Variants in EMC1 observed in about 807,000 individuals in gnomAD.
EMC1 encodes ER membrane protein complex subunit 1.
Under a neutral mutation model 128.8 loss-of-function variants are expected in EMC1, and 103 were observed. The observed-to-expected ratio is 0.80, with a 90% CI of 0.68 to 0.94. The LOEUF (loss-of-function observed/expected upper bound fraction) is 0.94. Ranked by LOEUF, EMC1 falls within the 40% of genes least tolerant of loss-of-function variation. EMC1 has a pLI of 0.00. For missense variants in EMC1, 1,083 were observed against 1,250.6 expected (o/e 0.87, Z 2.02); for synonymous variants, 442 against 490.4 (o/e 0.90, Z 1.30).
intron 10 of EMC1, 38 bp from the exon 11 acceptor site, chr1:19,238,177 C>T (rs764581175): frequency 2.5e-6 from 4 of 1,604,572 alleles, no homozygotes; most frequent in Non-Finnish European, 3.4e-6. Flanking sequence ...TACAGGTATC[C>T]CCCGAAAGCA....
rs531411785 is a variant in EMC1, at chr1:19,240,069, T to C, written c.787-84A>G. 6 of 1,419,758 alleles carry C rather than the reference T, an allele frequency of 4.2e-6. No individual in the cohort carries two copies. In the Admixed American group the frequency reaches 1.2e-4, roughly 28 times the overall value. 87.9% of individuals were successfully genotyped at this position (1,419,758 alleles called of 1,614,324 possible). ...CAGGCTCACAACCTCTGCCCTACTT[T>C]GCCGGGGGAAGTAACTGGGCCATGG... On this transcript the variant is annotated intron_variant, in intron 7 of 22. Coordinates refer to ENST00000477853, the MANE Select transcript of EMC1 (RefSeq NM_015047.3).
intron 8 of EMC1, 134 bp from the exon 9 acceptor site, chr1:19,239,436 G>A (rs2093590025): frequency 1.4e-6 from 1 of 730,482 alleles, no homozygotes; most frequent in Admixed American, 2.6e-5. Context: ...AGAATGGTCA[G>A]GCATTTAAGA....
Position 19,222,709 on chromosome 1 carries a change from G to T in EMC1, c.2502C>A (p.Leu834=). 6.2e-7 allele frequency: 1 copy of T among 1,614,186 alleles called. No homozygotes were observed. Among genetic ancestry groups the T allele is most frequent in the Non-Finnish European group, 8.5e-7 (1 of 1,180,024 alleles). The change falls in exon 20 of 23, where the codon CTC becomes CTA. Residue 834 remains leucine, a synonymous_variant. Transcript: ENST00000477853. ...AGGACGGGAAGATATAGGACTGCTG[G>T]AGGACCTGGGGCAGCTGGGGGCGGT... The part of the protein sequence containing the change: ...SLDRPQLPQV[L]QQSYIFPSSI...
intron 17 of EMC1, 47 bp from the exon 18 acceptor site, chr1:19,227,497 A>G (rs1376025041): frequency 6.2e-7 from 1 of 1,610,644 alleles, no homozygotes; most frequent in Non-Finnish European, 8.5e-7. Flanking sequence ...TACACTTAGA[A>G]CTGAAACAGC....
rs2093441358 is a variant in EMC1, at chr1:19,222,702, A to ACTG, written c.2506_2508dup (p.Gln836dup). Reference sequence around the variant, plus strand: ...CTGATGGAGGACGGGAAGATATAGGACTGCTGGAGGACCTGGGGCAGCTGG... The same window carrying ACTG: ...CTGATGGAGGACGGGAAGATATAGGACTGCTGCTGGAGGACCTGGGGCAGCTGG... On this transcript the variant is annotated inframe_insertion, in exon 20 of 23. Coordinates refer to ENST00000477853, the MANE Select transcript of EMC1 (RefSeq NM_015047.3). 1 of 1,613,988 alleles carries ACTG rather than the reference A, an allele frequency of 6.2e-7. No individual in the cohort carries two copies. Among genetic ancestry groups the ACTG allele is most frequent in the Admixed American group, 1.7e-5 (1 of 59,998 alleles).
At position 19,240,308 on chromosome 1, in the gene EMC1, T is replaced by C; in HGVS notation, c.775A>G (p.Ile259Val). ...ALETEWELRQ[I>V]PLQSLDLEFG... ...TGGCAGCCTCTCACCTGCAGTGGGATCTGTCTCAACTCCCATTCCGTCTCC... is the reference window on the plus strand; with the variant it reads ...TGGCAGCCTCTCACCTGCAGTGGGACCTGTCTCAACTCCCATTCCGTCTCC... The change falls in exon 7 of 23, where the codon ATC (isoleucine) becomes GTC (valine). Residue 259 changes from isoleucine (I) to valine (V), a missense_variant. Physicochemically the swap from Ile to Val is conservative, Grantham distance 29. Transcript: ENST00000477853. 6.2e-7 allele frequency: 1 copy of C among 1,614,176 alleles called. No homozygotes were observed. The highest frequency in any genetic ancestry group is 8.5e-7 in the Non-Finnish European group (1 of 1,180,022).
In EMC1 at chr1:19,237,492, A is replaced by G. The variant is rs1302310106; in HGVS notation, c.1213-254T>C. 2.6e-5 allele frequency among the ~76,000 whole-genome samples: 4 copies of G among 152,178 alleles called. No individual in the cohort carries two copies. In the East Asian group the frequency reaches 7.7e-4, roughly 29 times the overall value. On this transcript the variant is annotated intron_variant, in intron 11 of 22. Coordinates refer to ENST00000477853, the MANE Select transcript of EMC1 (RefSeq NM_015047.3). ...TCCACGGGTACCACGCCATTCATCC[A>G]TGCTCTAATCACACCCCACAAAGTG...
At position 19,242,310 on chromosome 1, in the gene EMC1, C is replaced by T. The variant is rs184877210; in HGVS notation, c.509+35G>A. ...AAAGAGGAGCTCCTAGAGAGTAGAA[C>T]GAGGCAGCTATTGCCTGTGAGCAGG... On this transcript the variant is annotated intron_variant, in intron 5 of 22. Transcript: ENST00000477853. The T allele has an allele frequency of 5.5e-4, 884 of 1,613,142 alleles. 6 individuals are homozygous for T. In the Middle Eastern group the frequency reaches 0.014, roughly 26 times the overall value.
At chr1:19,222,901 G>T in intron 19 of EMC1, 67 bp from the exon 20 acceptor site, 2 of 1,225,148 alleles carry the variant, frequency 1.6e-6, no homozygotes, top group Non-Finnish European at 2.3e-6. Flanking sequence ...AAATTGCACT[G>T]GAAGGCACCC....
chr1:19,245,627 C>CTTTTTTTTTTTTTT lies in EMC1; in HGVS notation c.96-611_96-598dup, dbSNP rs539316345. 8.9e-4 allele frequency among the ~76,000 whole-genome samples: 110 copies of CTTTTTTTTTTTTTT among 123,104 alleles called. 7 individuals are homozygous for CTTTTTTTTTTTTTT. The highest frequency in any genetic ancestry group is 2.0e-3 in the African/African-American group (58 of 29,280). 80.8% of individuals were successfully genotyped at this position (123,104 alleles called of 152,430 possible). A position where few individuals can be genotyped will look rare whatever the true frequency, so the allele number is the denominator to read the frequency against. ...ACACCCAAAAGGGCACCTTACCTTT[C>CTTTTTTTTTTTTTT]TTTTTTTTTTTTTTGAGACGAAGTC... On this transcript the variant is annotated intron_variant, in intron 1 of 22. Transcript: ENST00000477853.
rs1411324984 is a variant in EMC1 at position 19,238,802 on chromosome 1, C to T, written c.1082G>A (p.Ser361Asn). ...GSMGSFSEKS[S>N]SKDSLACFNQ... ...CCCAGTGCCACACCATACCTTTGAA[C>T]TAGACTTCTCCGAAAAGCTCCCCAT... The change falls in exon 10 of 23, where the codon AGT becomes AAT. Residue 361 changes from serine to asparagine, a missense_variant. Ser to Asn is a conservative substitution (Grantham distance 46). Coordinates refer to ENST00000477853, the MANE Select transcript of EMC1 (RefSeq NM_015047.3). The T allele has an allele frequency of 6.2e-7, 1 of 1,609,656 alleles. No individual in the cohort carries two copies. The highest frequency in any genetic ancestry group is 1.7e-5 in the Admixed American group (1 of 60,020).
At chr1:19,242,596 G>A (rs770657828) in intron 4 of EMC1, 123 bp from the exon 5 acceptor site, 1 of 1,028,690 alleles carries the variant, frequency 9.7e-7, no homozygotes, top group Non-Finnish European at 1.4e-6. Flanking sequence ...GTCAAACACA[G>A]CTGGATCCTA....
Position 19,227,319 on chromosome 1 carries a change from G to A in EMC1, c.2196C>T (p.Leu732=), listed in dbSNP as rs766121505. 19 of 1,613,980 alleles carry A rather than the reference G, an allele frequency of 1.2e-5. No individual in the cohort carries two copies. The highest frequency in any genetic ancestry group is 1.3e-5 in the Non-Finnish European group (15 of 1,179,968). Residue 732 remains leucine (L), a synonymous_variant, in exon 18 of 23, where the codon CTC becomes CTT. Transcript: ENST00000477853. ...GACAGCTGGCTGTATGTACCTTGTA[G>A]AGCACACTGCGGTCCCCCATCACAC... ...QGRVMGDRSV[L]YKSLNPNLLA...
intron 11 of EMC1, among the ~76,000 whole-genome samples, chr1:19,237,796 T>C (rs190501999): frequency 5.3e-5 from 8 of 152,334 alleles, no homozygotes; most frequent in Admixed American, 2.6e-4. Flanking sequence ...AATTAATGTG[T>C]AAGTTAAAAG....
chr1:19,235,571 G>T (rs2093556780), intron 12 of EMC1, among the ~76,000 whole-genome samples: 1 of 152,156 alleles, frequency 6.6e-6, no homozygotes, highest in South Asian at 2.1e-4. Context: ...CATGATGGTG[G>T]GCGCCTGTAG....
intron 13 of EMC1, among the ~76,000 whole-genome samples, 155 bp downstream of exon 13, chr1:19,234,975 T>G (rs1037473096): frequency 6.6e-5 from 10 of 152,140 alleles, no homozygotes; most frequent in Non-Finnish European, 1.3e-4. Flanking sequence ...CATATGGCCA[T>G]GAATGCACCG....
rs1476758357 is a variant in EMC1, at chr1:19,219,900, A to G, written c.2673-202T>C. On this transcript the variant is annotated intron_variant, in intron 21 of 22. Coordinates refer to ENST00000477853, the MANE Select transcript of EMC1 (RefSeq NM_015047.3). Reference sequence around the variant, plus strand: ...GAAAGGAAGCTCTCTGGAGAGTAAGACTGAGATCTAGATTCCTACTTTGTT... The same window carrying G: ...GAAAGGAAGCTCTCTGGAGAGTAAGGCTGAGATCTAGATTCCTACTTTGTT... 8.7e-6 allele frequency: 5 copies of G among 574,484 alleles called. No individual in the cohort carries two copies. The Admixed American group carries it at 1.5e-4, about 18-fold the overall frequency. The allele number at this position is 574,484 out of a possible 1,614,324, so 35.6% of individuals were successfully genotyped here. A position where few individuals can be genotyped will look rare whatever the true frequency, so the allele number is the denominator to read the frequency against.
rs2093413522 is a variant in EMC1 at position 19,219,341 on chromosome 1, GTC to G, written c.2942_2943del (p.Arg981ThrfsTer20). ...GLVFATMITKRLAQVKLLNRA... is the reference protein window; with the variant it reads ...GLVFATMITKXLAQVKLLNRA... The stretch of plus-strand genomic sequence containing the variant: ...CGATTCAGGAGCTTCACCTGTGCCA[GTC>G]TCTTAGTGATCATGGTGGCAAAAAC... On this transcript the variant is annotated frameshift_variant, in exon 23 of 23. Coordinates refer to ENST00000477853, the MANE Select transcript of EMC1 (RefSeq NM_015047.3). LOFTEE classifies it high-confidence loss of function. 6.2e-7 allele frequency: 1 copy of G among 1,614,092 alleles called. No individual in the cohort carries two copies. Among genetic ancestry groups the G allele is most frequent in the Non-Finnish European group, 8.5e-7 (1 of 1,180,034 alleles).
rs775804142 is a variant in EMC1, at chr1:19,240,281, A to C, written c.786+16T>G. 1.1e-4 allele frequency: 170 copies of C among 1,613,970 alleles called. No homozygotes were observed. The highest frequency in any genetic ancestry group is 1.2e-4 in the Non-Finnish European group (143 of 1,179,958). ...GGAAATGCCTCAGGCCAGAAGAAGC[A>C]GTGGCAGCCTCTCACCTGCAGTGGG... On this transcript the variant is annotated intron_variant, in intron 7 of 22. Transcript: ENST00000477853.
Sources: allele counts gnomAD v4.1 joint callset (sites outside exome capture counted in the v4.1 genomes callset), GRCh38; gene constraint gnomAD v4.1.1; transcripts MANE v1.5; gene names NCBI Gene and HGNC (gene_info 2026-07-23, HGNC 2026-07-21).